The following ANKRD52 variants were observed in gnomAD, a reference collection of about 807,000 sequenced individuals.
The protein encoded by ANKRD52 is serine/threonine-protein phosphatase 6 regulatory ankyrin repeat subunit C.
In ANKRD52, 7 loss-of-function variants were observed where a neutral mutation model predicts 116.0. That is an observed-to-expected ratio of 0.06 (90% CI 0.03 to 0.11). The LOEUF is 0.11. Ranked by LOEUF, ANKRD52 falls within the 10% of genes least tolerant of loss-of-function variation. The pLI, the probability that ANKRD52 is intolerant of heterozygous loss-of-function variation, is 1.00. For synonymous variants in ANKRD52, 528 were observed against 578.1 expected (o/e 0.91, Z 1.24); for missense variants, 839 against 1,408.6 (o/e 0.60, Z 6.47).
At chr12:56,246,850 G>A (rs1364017008) in intron 20 of ANKRD52, among the ~76,000 whole-genome samples, 1 of 151,124 alleles carries the variant, frequency 6.6e-6, no homozygotes, top group Non-Finnish European at 1.5e-5. Flanking sequence ...AACCCAGGAG[G>A]CGGAGGTTGC....
Position 56,258,328 on chromosome 12 carries a change from G to C in ANKRD52, c.-59C>G. Reference sequence around the variant, plus strand: ...CGGCGGCGGCGGCGGCGGCTCCACCGGGGACACGGAGCGGCCCAGGCGGCG... The same window carrying C: ...CGGCGGCGGCGGCGGCGGCTCCACCCGGGACACGGAGCGGCCCAGGCGGCG... On this transcript the variant is annotated 5_prime_UTR_variant, in exon 1 of 28. Coordinates refer to ENST00000267116, the MANE Select transcript of ANKRD52 (RefSeq NM_173595.4). 2.0e-6 allele frequency: 3 copies of C among 1,505,598 alleles called. No individual in the cohort carries two copies. The highest frequency in any genetic ancestry group is 2.7e-6 in the Non-Finnish European group (3 of 1,127,492). The allele number at this position is 1,505,598 out of a possible 1,614,324, so 93.3% of individuals were successfully genotyped here.
Position 56,241,478 on chromosome 12 carries a change from G to C in ANKRD52, c.*1664C>G, listed in dbSNP as rs1427088100. On this transcript the variant is annotated 3_prime_UTR_variant, in exon 28 of 28. Coordinates refer to ENST00000267116, the MANE Select transcript of ANKRD52 (RefSeq NM_173595.4). ...ATTCAGGGTATACAACTAAAAGATG[G>C]GTAAGACTGTGAATAAAGCAAACTT... The C allele has an allele frequency of 6.6e-6, 1 of 152,280 alleles. No homozygotes were observed. Among genetic ancestry groups the C allele is most frequent in the Non-Finnish European group, 1.5e-5 (1 of 68,160 alleles). 9.4% of individuals were successfully genotyped at this position (152,280 alleles called of 1,614,324 possible). A position where few individuals can be genotyped will look rare whatever the true frequency, so the allele number is the denominator to read the frequency against.
At chr12:56,246,645 G>C (rs990277645) in intron 20 of ANKRD52, among the ~76,000 whole-genome samples, 1 of 152,140 alleles carries the variant, frequency 6.6e-6, no homozygotes, top group Non-Finnish European at 1.5e-5. Context: ...ATATTGGCCA[G>C]GCACAGTGGC....
In ANKRD52 at chr12:56,238,264, G is replaced by A. The variant is rs78133148; in HGVS notation, c.*4878C>T. On this transcript the variant is annotated 3_prime_UTR_variant, in exon 28 of 28. Coordinates refer to ENST00000267116, the MANE Select transcript of ANKRD52 (RefSeq NM_173595.4). The stretch of plus-strand genomic sequence containing the variant: ...CCTACAACCGAGTACATGGGTCACA[G>A]GGTGGAGGGTGCAACAGGACATGGA... 159 of 153,722 alleles carry A rather than the reference G, an allele frequency of 1.0e-3. No homozygotes were observed. Among genetic ancestry groups the A allele is most frequent in the Admixed American group, 3.9e-3 (60 of 15,492 alleles). 9.5% of individuals were successfully genotyped at this position (153,722 alleles called of 1,614,324 possible).
intron 20 of ANKRD52, 71 bp from the exon 21 acceptor site, chr12:56,245,667 G>A: frequency 7.0e-7 from 1 of 1,426,542 alleles, no homozygotes; most frequent in African/African-American, 1.4e-5. Context: ...GCTGGAGTCT[G>A]GCTCAGGAGT....
Position 56,238,006 on chromosome 12 carries a change from AGGGG to A in ANKRD52, c.*5132_*5135del. 1 of 150,264 alleles carries A rather than the reference AGGGG, an allele frequency of 6.7e-6. No homozygotes were observed. Among genetic ancestry groups the A allele is most frequent in the South Asian group, 2.0e-4 (1 of 4,972 alleles). 9.3% of individuals were successfully genotyped at this position (150,264 alleles called of 1,614,324 possible). A position where few individuals can be genotyped will look rare whatever the true frequency, so the allele number is the denominator to read the frequency against. ...CATTGTGCTTTAGCCCAGGGAGGGGAGGGGTGGGGCAAATGCACCGAGGTCCCCA... is the reference window on the plus strand; with the variant it reads ...CATTGTGCTTTAGCCCAGGGAGGGGATGGGGCAAATGCACCGAGGTCCCCA... On this transcript the variant is annotated 3_prime_UTR_variant, in exon 28 of 28. Coordinates refer to ENST00000267116, the MANE Select transcript of ANKRD52 (RefSeq NM_173595.4).
chr12:56,247,379 A>G, intron 20 of ANKRD52, 114 bp downstream of exon 20: 2 of 842,480 alleles, frequency 2.4e-6, no homozygotes, highest in South Asian at 3.7e-5. Context: ...AAGAAAAAAG[A>G]CGGCACAAAA....
chr12:56,252,269 C>T lies in ANKRD52; in HGVS notation c.1417G>A (p.Val473Ile). Residue 473 changes from valine to isoleucine, a missense_variant, in exon 14 of 28, where the codon GTA becomes ATA. By Grantham distance (29) the Val-to-Ile change is conservative. Coordinates refer to ENST00000267116, the MANE Select transcript of ANKRD52 (RefSeq NM_173595.4). This position sits in a 1 kb window ranked among gnomAD's most constrained non-coding sequence, Gnocchi z 4.7. ...AAANGSYQCA[V>I]TLVTAGAGVN... The stretch of plus-strand genomic sequence containing the variant: ...CCTGCCCCAGCAGTCACCAATGTTA[C>T]TGCACACTGGTAGCTACCGTTAGCA... The T allele has an allele frequency of 6.2e-7, 1 of 1,614,008 alleles. No individual in the cohort carries two copies. The highest frequency in any genetic ancestry group is 8.5e-7 in the Non-Finnish European group (1 of 1,179,894).
rs2135892534 is a variant in ANKRD52 at position 56,254,997 on chromosome 12, C to A, written c.463-45G>T. 6.3e-7 allele frequency: 1 copy of A among 1,579,646 alleles called. No homozygotes were observed. The highest frequency in any genetic ancestry group is 8.7e-7 in the Non-Finnish European group (1 of 1,150,706). On this transcript the variant is annotated intron_variant, in intron 5 of 27. Transcript: ENST00000267116. The surrounding 1 kb of genome is among the most constrained non-coding windows in gnomAD (Gnocchi z 4.6). ...ACACCTGTTCAGAGCTAGATTCGTGCCCTCAACCTACCTAAGAGCAGAGGC... is the reference window on the plus strand; with the variant it reads ...ACACCTGTTCAGAGCTAGATTCGTGACCTCAACCTACCTAAGAGCAGAGGC...
chr12:56,251,281 G>A (rs1871679805), intron 15 of ANKRD52, among the ~76,000 whole-genome samples: 1 of 150,958 alleles, frequency 6.6e-6, no homozygotes, highest in African/African-American at 2.4e-5. Context: ...GTCTTGTTCG[G>A]TTGCCCAGGC....
chr12:56,241,885 C>CA lies in ANKRD52; in HGVS notation c.*1256dup, dbSNP rs1565606093. 1 of 397,898 alleles carries CA rather than the reference C, an allele frequency of 2.5e-6. No homozygotes were observed. Among genetic ancestry groups the CA allele is most frequent in the Non-Finnish European group, 4.4e-6 (1 of 226,082 alleles). 24.6% of individuals were successfully genotyped at this position (397,898 alleles called of 1,614,324 possible). A position where few individuals can be genotyped will look rare whatever the true frequency, so the allele number is the denominator to read the frequency against. On this transcript the variant is annotated 3_prime_UTR_variant, in exon 28 of 28. Transcript: ENST00000267116. ...TTAGAAATCTTATCAGTGCAGCCCC[C>CA]AGCTCAATCCCATCTTTCCTCCCTG...
chr12:56,244,572 C>A lies in ANKRD52; in HGVS notation c.2722+80G>T. 1 of 1,603,024 alleles carries A rather than the reference C, an allele frequency of 6.2e-7. No homozygotes were observed. Among genetic ancestry groups the A allele is most frequent in the East Asian group, 2.2e-5 (1 of 44,728 alleles). On this transcript the variant is annotated intron_variant, in intron 24 of 27. Transcript: ENST00000267116. The surrounding 1 kb of genome is among the most constrained non-coding windows in gnomAD (Gnocchi z 4.9). ...CTTGCTTTCTGAACCCCAGCCCCAG[C>A]CAGCCTCCACAGGCAGGGCTGACCC...
rs774924397 is a variant in ANKRD52, at chr12:56,248,663, C to T, written c.1704+96G>A. 7.4e-6 allele frequency: 11 copies of T among 1,487,254 alleles called. No individual in the cohort carries two copies. In the Admixed American group the frequency reaches 7.9e-5, roughly 11 times the overall value. The allele number at this position is 1,487,254 out of a possible 1,614,324, so 92.1% of individuals were successfully genotyped here. On this transcript the variant is annotated intron_variant, in intron 16 of 27. Transcript: ENST00000267116. This position sits in a 1 kb window ranked among gnomAD's most constrained non-coding sequence, Gnocchi z 5.1. ...GTAATCCCCACTAAGCCTCTGGATC[C>T]AAAGACCACATTTGATTGAACCCTT...
At chr12:56,245,665 C>G (rs983180675) in intron 20 of ANKRD52, 69 bp from the exon 21 acceptor site, 2 of 1,359,500 alleles carry the variant, frequency 1.5e-6, no homozygotes, top group African/African-American at 1.5e-5. Flanking sequence ...TTGCTGGAGT[C>G]TGGCTCAGGA....
Position 56,248,423 on chromosome 12 carries a change from T to G in ANKRD52, c.1776+72A>C. 6.7e-7 allele frequency: 1 copy of G among 1,501,074 alleles called. No individual in the cohort carries two copies. The highest frequency in any genetic ancestry group is 9.1e-7 in the Non-Finnish European group (1 of 1,097,756). 93.0% of individuals were successfully genotyped at this position (1,501,074 alleles called of 1,614,324 possible). On this transcript the variant is annotated intron_variant, in intron 17 of 27. Coordinates refer to ENST00000267116, the MANE Select transcript of ANKRD52 (RefSeq NM_173595.4). The surrounding 1 kb of genome is among the most constrained non-coding windows in gnomAD (Gnocchi z 5.1). ...GCAGAAGGAAGGATAACTTCACAAG[T>G]GCTGGCACCTTTGTTAGGGCCTGGG...
chr12:56,249,093 C>T (rs1283794884), intron 15 of ANKRD52, among the ~76,000 whole-genome samples: 1 of 152,240 alleles, frequency 6.6e-6, no homozygotes, highest in African/African-American at 2.4e-5. Flanking sequence ...CTTCAATGCC[C>T]TCCTTTATCC....
rs1592393913 is a variant in ANKRD52, at chr12:56,252,909, G to A, written c.1184-12C>T. 1.2e-6 allele frequency: 2 copies of A among 1,612,480 alleles called. No individual in the cohort carries two copies. Among genetic ancestry groups the A allele is most frequent in the Non-Finnish European group, 1.7e-6 (2 of 1,179,114 alleles). On this transcript the variant is annotated splice_polypyrimidine_tract_variant and intron_variant, in intron 11 of 27. Coordinates refer to ENST00000267116, the MANE Select transcript of ANKRD52 (RefSeq NM_173595.4). This position sits in a 1 kb window ranked among gnomAD's most constrained non-coding sequence, Gnocchi z 4.7. ...GCTGTACAACTGACCTGGAGGCACA[G>A]AACAGCCACAGGTCACATCTGAGAG...
rs182464539 is a variant in ANKRD52, at chr12:56,248,370, C to T, written c.1776+125G>A. The T allele has an allele frequency of 2.6e-5, 36 of 1,403,046 alleles. No individual in the cohort carries two copies. In the Admixed American group the frequency reaches 6.4e-4, roughly 25 times the overall value. The allele number at this position is 1,403,046 out of a possible 1,614,324, so 86.9% of individuals were successfully genotyped here. On this transcript the variant is annotated intron_variant, in intron 17 of 27. Transcript: ENST00000267116. The surrounding 1 kb of genome is among the most constrained non-coding windows in gnomAD (Gnocchi z 5.1). The stretch of plus-strand genomic sequence containing the variant: ...GCCCCTTAAGGCTTCCTACCCTGCA[C>T]TGTGCTTATCCCCTCTCCCACAAAA...
At chr12:56,251,306 G>A (rs903649118) in intron 15 of ANKRD52, among the ~76,000 whole-genome samples, 2 of 151,540 alleles carry the variant, frequency 1.3e-5, no homozygotes, top group African/African-American at 4.9e-5. Context: ...GTGCAGTGGC[G>A]TGATCTCGGC....
Sources: gnomAD v4.1 joint callset for allele counts (sites outside exome capture counted in the v4.1 genomes callset) on GRCh38, gnomAD v4.1.1 for gene constraint, Gnocchi (gnomAD v3.1) non-coding constraint, MANE v1.5 for transcripts, NCBI Gene and HGNC (gene_info 2026-07-23, HGNC 2026-07-21) for gene names.